The following GOLGA3 variants were observed in gnomAD, a reference collection of about 807,000 sequenced individuals.
GOLGA3 encodes golgin subfamily A member 3.
GOLGA3 carries 75 observed loss-of-function variants against 169.4 expected under a neutral mutation model. The observed-to-expected ratio is 0.44, with a 90% confidence interval of 0.37 to 0.54. The LOEUF (loss-of-function observed/expected upper bound fraction) is 0.54, where lower values mean the gene tolerates loss of function less well. GOLGA3 is among the 20% of genes least tolerant of loss of function. GOLGA3 has a pLI of 0.00. For missense variants in GOLGA3, 1,899 were observed against 1,930.0 expected, an observed-to-expected ratio of 0.98 and a Z score of 0.30; for synonymous variants, 824 against 822.4, an observed-to-expected ratio of 1.00 and a Z score of -0.03.
intron 4 of GOLGA3, among the ~76,000 whole-genome samples, chr12:132,812,929 G>C (rs539016273): frequency 3.9e-5 from 6 of 152,318 alleles, no homozygotes; most frequent in East Asian, 1.9e-4. Context: ...GCATTTTTTA[G>C]TAATAAAGCA....
At chr12:132,807,366 C>T (rs2136599412) in intron 5 of GOLGA3, 78 bp from the exon 6 acceptor site, 3 of 735,070 alleles carry the variant, frequency 4.1e-6, no homozygotes, top group Non-Finnish European at 4.4e-6. Context: ...CTCCAAATTC[C>T]ACACACCCCT....
intron 17 of GOLGA3, among the ~76,000 whole-genome samples, chr12:132,781,257 C>T (rs1234893863): frequency 2.0e-5 from 3 of 151,914 alleles, no homozygotes; most frequent in Admixed American, 2.0e-4. Flanking sequence ...AGAGCCAGAC[C>T]CTGTCTCAAA....
intron 1 of GOLGA3, chr12:132,826,240 C>T: frequency 1.4e-6 from 1 of 727,624 alleles, no homozygotes; most frequent in Non-Finnish European, 1.9e-6. Flanking sequence ...TCTCATTCTC[C>T]AAAAAAAAAA....
At chr12:132,773,392 C>G (rs575572787) in intron 23 of GOLGA3, 98 bp from the exon 24 acceptor site, 6 of 744,754 alleles carry the variant, frequency 8.1e-6, no homozygotes, top group Non-Finnish European at 1.2e-5. Context: ...CTGAGTGGAC[C>G]GGGGCGCCTT....
Position 132,795,959 on chromosome 12 carries a change from C to T in GOLGA3, c.2362G>A (p.Gly788Ser), listed in dbSNP as rs780011648. Residue 788 changes from glycine (G) to serine (S), a missense_variant, in exon 11 of 24, where the codon GGC becomes AGC. Gly to Ser is a moderately conservative substitution (Grantham distance 56, BLOSUM62 0). Coordinates refer to ENST00000450791, the MANE Select transcript of GOLGA3 (RefSeq NM_001389683.1). ...GCTCCTCTGTCAAGCTCCTCCTTGCCACTCTTGGCCGCCTGCAAAGCCGCC... is the reference window on the plus strand; with the variant it reads ...GCTCCTCTGTCAAGCTCCTCCTTGCTACTCTTGGCCGCCTGCAAAGCCGCC... Reference protein sequence around the residue: ...LEAALQAAKSGKEELDRGARR... With the variant: ...LEAALQAAKSSKEELDRGARR... 6.8e-5 allele frequency: 109 copies of T among 1,613,914 alleles called. 1 individual carries two copies. In the Admixed American group the frequency reaches 8.2e-4, roughly 12 times the overall value.
rs1290754911 is a variant in GOLGA3 at position 132,786,067 on chromosome 12, A to G, written c.3123+272T>C. ...GGCCCTCCCTCTGCCCCAAGGGAGC[A>G]GCTGAACTTCTCTGAGCCAAGGAGA... is the stretch of plus-strand genomic sequence containing the variant. On this transcript the variant is annotated intron_variant, in intron 15 of 23. Transcript: ENST00000450791. 3.3e-5 allele frequency among the ~76,000 whole-genome samples: 5 copies of G among 152,348 alleles called. No individual in the cohort carries two copies. In the South Asian group the frequency reaches 8.3e-4, roughly 25 times the overall value.
At chr12:132,787,894 T>G (rs531545826) in intron 13 of GOLGA3, among the ~76,000 whole-genome samples, 2 of 136,924 alleles carry the variant, frequency 1.5e-5, no homozygotes, top group Admixed American at 7.2e-5. Context: ...GGACCCTTCC[T>G]GAGACCCCAG....
Position 132,770,124 on chromosome 12 carries a change from T to G in GOLGA3, c.*2981A>C, listed in dbSNP as rs1368342797. The G allele has an allele frequency of 6.7e-6, 1 of 150,310 alleles. No homozygotes were observed. The highest frequency in any genetic ancestry group is 2.5e-5 in the African/African-American group (1 of 40,712). The allele number at this position is 150,310 out of a possible 1,614,324, so 9.3% of individuals were successfully genotyped here. ...GGCGGGCACCTGTAATCCCAGCTAC[T>G]GGGGAGAATGAGGCAGGAGAATCGC... On this transcript the variant is annotated 3_prime_UTR_variant, in exon 24 of 24. Coordinates refer to ENST00000450791, the MANE Select transcript of GOLGA3 (RefSeq NM_001389683.1).
intron 16 of GOLGA3, 40 bp downstream of exon 16, chr12:132,784,124 C>G (rs1326304599): frequency 1.2e-6 from 2 of 1,601,330 alleles, no homozygotes; most frequent in Non-Finnish European, 1.7e-6. Context: ...CTCACGTGAC[C>G]TGCCCCACGC....
chr12:132,773,184 G>A lies in GOLGA3; in HGVS notation c.4418C>T (p.Pro1473Leu), dbSNP rs374060454. 1.9e-4 allele frequency: 301 copies of A among 1,585,478 alleles called. No individual in the cohort carries two copies. Among genetic ancestry groups the A allele is most frequent in the Non-Finnish European group, 2.4e-4 (285 of 1,165,102 alleles). Residue 1473 changes from proline to leucine, a missense_variant, in exon 24 of 24, where the codon CCG (proline) becomes CTG (leucine). By Grantham distance (98) the Pro-to-Leu change is moderately conservative. Transcript: ENST00000450791. ...GCCGCGTGGGCCGGCGTGACCCCCCGGGGGCACAGGGCTGGCAGTGGCTGG... is the reference window on the plus strand; with the variant it reads ...GCCGCGTGGGCCGGCGTGACCCCCCAGGGGCACAGGGCTGGCAGTGGCTGG... Reference protein sequence around the residue: ...LEPATASPVPPGGHAGPRGDP... With the variant: ...LEPATASPVPLGGHAGPRGDP...
intron 4 of GOLGA3, among the ~76,000 whole-genome samples, chr12:132,812,921 A>AT (rs1555262789): frequency 6.6e-6 from 1 of 152,206 alleles, no homozygotes; most frequent in Non-Finnish European, 1.5e-5. Context: ...GATCGTTAGC[A>AT]TTTTTTAGTA....
chr12:132,792,975 T>C (rs796727442), intron 11 of GOLGA3, among the ~76,000 whole-genome samples: 128 of 79,508 alleles, frequency 1.6e-3, no homozygotes, highest in Middle Eastern at 8.1e-3. Context: ...CCACACGGGA[T>C]CTGAACTCGG....
rs2046215973 is a variant in GOLGA3 at position 132,791,237 on chromosome 12, C to G, written c.2526G>C (p.Lys842Asn). Residue 842 changes from lysine to asparagine, a missense_variant, in exon 12 of 24, where the codon AAG (lysine) becomes AAC (asparagine). Transcript: ENST00000450791. ...TTACCTTTTGTTGGAGAAACTGTTC[C>G]TTTATTTTTTGCATTTGCTTTTTCA... ...AALKKQMQKI[K>N]EQFLQQKVMV... The G allele has an allele frequency of 6.2e-7, 1 of 1,603,434 alleles. No homozygotes were observed. Among genetic ancestry groups the G allele is most frequent in the South Asian group, 1.1e-5 (1 of 90,704 alleles).
intron 2 of GOLGA3, among the ~76,000 whole-genome samples, chr12:132,818,138 ACCCTCCACTCCTCCATG>A (rs1950070619): frequency 2.0e-5 from 2 of 100,636 alleles, no homozygotes; most frequent in Non-Finnish European, 3.9e-5. Context: ...AGGTGAACCC[ACCCTCCACTCCTCCATG>A]CTCTAAGGTG....
rs536077585 is a variant in GOLGA3, at chr12:132,790,094, G to A, written c.2548-804C>T. On this transcript the variant is annotated intron_variant, in intron 12 of 23. Coordinates refer to ENST00000450791, the MANE Select transcript of GOLGA3 (RefSeq NM_001389683.1). ...TGCCTGTAATCCCAGCACTTTGGGA[G>A]GCCAAGGTGGGCGGATCACGAGGTC... Among the ~76,000 whole-genome samples, 233 of 152,260 alleles carry A rather than the reference G, an allele frequency of 1.5e-3. 1 individual carries two copies. Among genetic ancestry groups the A allele is most frequent in the African/African-American group, 5.4e-3 (224 of 41,526 alleles).
In GOLGA3 at chr12:132,821,356, G is replaced by A. The variant is rs533343680; in HGVS notation, c.133+640C>T. On this transcript the variant is annotated intron_variant, in intron 2 of 23. Transcript: ENST00000450791. ...CGGGAAGTGGAGGTTGCAGTGAAAC[G>A]AGATCTCGCCATTGCACTCCAGCCC... 4.4e-4 allele frequency among the ~76,000 whole-genome samples: 67 copies of A among 151,472 alleles called. 2 individuals are homozygous for A. In the South Asian group the frequency reaches 0.013, roughly 28 times the overall value.
intron 12 of GOLGA3, among the ~76,000 whole-genome samples, chr12:132,789,656 C>T (rs926881008): frequency 5.6e-5 from 5 of 89,888 alleles, no homozygotes; most frequent in African/African-American, 1.8e-4. Context: ...CACGACACCG[C>T]TTCAGGGGCC....
intron 2 of GOLGA3, among the ~76,000 whole-genome samples, chr12:132,819,900 C>A (rs1427574020): frequency 6.6e-6 from 1 of 152,224 alleles, no homozygotes; most frequent in Non-Finnish European, 1.5e-5. Flanking sequence ...AGCCAGGCAA[C>A]AGGGCGCGGT....
chr12:132,829,049 G>C (rs1390337719), upstream of GOLGA3, among the ~76,000 whole-genome samples: 2 of 152,266 alleles, frequency 1.3e-5, no homozygotes, highest in Non-Finnish European at 2.9e-5. Flanking sequence ...CCTTCAGAAA[G>C]TGACCTTAAG....
Sources: gnomAD v4.1 joint callset for allele counts (sites outside exome capture counted in the v4.1 genomes callset) on GRCh38, gnomAD v4.1.1 for gene constraint, MANE v1.5 for transcripts, NCBI Gene and HGNC (gene_info 2026-07-23, HGNC 2026-07-21) for gene names.